Variants in ADSL observed in about 807,000 individuals in gnomAD.
ADSL encodes the protein adenylosuccinate lyase.
A neutral mutation model predicts 62.1 loss-of-function variants in ADSL; 44 were observed. That is an observed-to-expected ratio of 0.71 (90% CI 0.56 to 0.91). The LOEUF is 0.91. Among genes scored for constraint, ADSL ranks in the 40% least tolerant of loss-of-function variants. ADSL has a pLI of 0.00. For synonymous variants in ADSL, 198 were observed against 220.5 expected (o/e 0.90, Z 0.90); for missense variants, 531 against 627.4 (o/e 0.85, Z 1.64).
intron 2 of ADSL, among the ~76,000 whole-genome samples, chr22:40,378,701 G>A (rs962752931): frequency 6.6e-6 from 1 of 152,036 alleles, no homozygotes; most frequent in South Asian, 2.1e-4. Context: ...CTCCAGCCTG[G>A]GTGACAGAGC....
intron 2 of ADSL, chr22:40,378,228 G>C (rs2046976401): frequency 6.6e-6 from 1 of 152,002 alleles, no homozygotes; most frequent in African/African-American, 2.4e-5. Context: ...CCAAGAGTTT[G>C]AGACTACCCT....
rs10616868 is a variant in ADSL, at chr22:40,376,178, C to CTTTTTTTT, written c.89+9705_89+9712dup. The stretch of plus-strand genomic sequence containing the variant: ...GGATAGGGTTAAAGTCAAATTACCA[C>CTTTTTTTT]TTTTTTTTTTTTTTTTTTTTTTTTT... On this transcript the variant is annotated intron_variant, in intron 2 of 2. Transcript: ENST00000498234. The CTTTTTTTT allele has an allele frequency of 1.2e-3, 104 of 86,886 alleles. 2 individuals carry two copies. Among genetic ancestry groups the CTTTTTTTT allele is most frequent in the Non-Finnish European group, 1.8e-3 (81 of 44,370 alleles). 5.4% of individuals were successfully genotyped at this position (86,886 alleles called of 1,614,324 possible).
chr22:40,379,586 C>T (rs1443657707), intron 2 of ADSL: 1 of 152,226 alleles, frequency 6.6e-6, no homozygotes, highest in Non-Finnish European at 1.5e-5. Context: ...CGTGCAGTGC[C>T]TGCTGCAGCA....
At chr22:40,377,326 T>G (rs1266991292) in intron 2 of ADSL, among the ~76,000 whole-genome samples, 2 of 152,238 alleles carry the variant, frequency 1.3e-5, no homozygotes, top group Non-Finnish European at 2.9e-5. Context: ...TTGCAGCTCC[T>G]TCATCACAAC....
intron 2 of ADSL, chr22:40,379,306 C>G (rs1213269932): frequency 6.6e-6 from 1 of 152,256 alleles, no homozygotes; most frequent in African/African-American, 2.4e-5. Flanking sequence ...ATTGGGTCTG[C>G]TTTGTGTTCT....
Position 40,350,207 on chromosome 22 carries a change from T to C in ADSL, c.357+172T>C, listed in dbSNP as rs8192455. 80,360 of 625,252 alleles carry C rather than the reference T, an allele frequency of 0.13. 5,854 individuals are homozygous for C. Among genetic ancestry groups the C allele is most frequent in the South Asian group, 0.17 (8,539 of 50,610 alleles). The allele number at this position is 625,252 out of a possible 1,614,324, so 38.7% of individuals were successfully genotyped here. A position where few individuals can be genotyped will look rare whatever the true frequency, so the allele number is the denominator to read the frequency against. On this transcript the variant is annotated intron_variant, in intron 2 of 12. Coordinates refer to ENST00000623063, the MANE Select transcript of ADSL (RefSeq NM_000026.4). ...TGCAGTGGCACGGCTCACTGCAAGC[T>C]CCGCCTCCTGGGTTCACACCATTCT...
intron 9 of ADSL, among the ~76,000 whole-genome samples, chr22:40,362,365 A>G (rs1202483371): frequency 6.6e-6 from 1 of 152,222 alleles, no homozygotes; most frequent in Non-Finnish European, 1.5e-5. Context: ...GAACTCATTC[A>G]GAAGTCAGCC....
At chr22:40,365,349 C>T (rs2044962673) in intron 12 of ADSL, among the ~76,000 whole-genome samples, 1 of 152,052 alleles carries the variant, frequency 6.6e-6, no homozygotes, top group African/African-American at 2.4e-5. Flanking sequence ...GCCTTTATTT[C>T]TTTGTGTAGA....
intron 6 of ADSL, among the ~76,000 whole-genome samples, chr22:40,359,572 C>CT (rs1476454987): frequency 1.4e-5 from 2 of 145,316 alleles, no homozygotes; most frequent in African/African-American, 2.5e-5. Flanking sequence ...GGGTCTTACT[C>CT]TGTCACCCAG....
chr22:40,364,810 C>T lies in ADSL; in HGVS notation c.1192-70C>T, dbSNP rs910032738. Reference sequence around the variant, plus strand: ...TGTAGACTGCATGGATGGGAAGTATCTGATGACTTTTTAAAAGTGTTCAAA... The same window carrying T: ...TGTAGACTGCATGGATGGGAAGTATTTGATGACTTTTTAAAAGTGTTCAAA... On this transcript the variant is annotated intron_variant, in intron 11 of 12. Transcript: ENST00000623063. 36 of 1,516,352 alleles carry T rather than the reference C, an allele frequency of 2.4e-5. 1 individual carries two copies. In the Middle Eastern group the frequency reaches 5.1e-4, roughly 21 times the overall value. The allele number at this position is 1,516,352 out of a possible 1,614,324, so 93.9% of individuals were successfully genotyped here.
At chr22:40,347,572 C>G (rs548736004) in intron 1 of ADSL, among the ~76,000 whole-genome samples, 74 of 152,324 alleles carry the variant, frequency 4.9e-4, no homozygotes, top group African/African-American at 1.7e-3. Flanking sequence ...AACAATTTGA[C>G]TTCGGGCCTA....
chr22:40,378,273 A>AAT (rs2046986423), intron 2 of ADSL: 1 of 152,238 alleles, frequency 6.6e-6, no homozygotes, highest in South Asian at 2.1e-4. Context: ...TCTACAAAAA[A>AAT]ATAAGAAAAA....
At chr22:40,386,375 ACCT>A (rs917815531) in intron 2 of ADSL, among the ~76,000 whole-genome samples, 1 of 152,064 alleles carries the variant, frequency 6.6e-6, no homozygotes, top group African/African-American at 2.4e-5. Flanking sequence ...TAAGAGGACA[ACCT>A]CGTGACGTAT....
chr22:40,355,304 G>A (rs1051742838), intron 4 of ADSL, among the ~76,000 whole-genome samples: 8 of 151,932 alleles, frequency 5.3e-5, no homozygotes, highest in African/African-American at 9.7e-5. Flanking sequence ...CACCATGCCC[G>A]GCTAATTTTT....
At chr22:40,375,288 T>G (rs1238188772) in intron 2 of ADSL, among the ~76,000 whole-genome samples, 2 of 152,090 alleles carry the variant, frequency 1.3e-5, no homozygotes, top group Non-Finnish European at 2.9e-5. Context: ...TATCAGAAAT[T>G]AGATTGATAG....
Position 40,346,520 on chromosome 22 carries a change from C to T in ADSL, c.-39C>T, listed in dbSNP as rs906863165. On this transcript the variant is annotated 5_prime_UTR_variant, in exon 1 of 13. Transcript: ENST00000623063. ...CCTCCAGGTTTCCGCTTCCGCTCTT[C>T]CCTGGTCCAGTCCACCCTGGCGGGG... 1 of 1,583,626 alleles carries T rather than the reference C, an allele frequency of 6.3e-7. No homozygotes were observed. Among genetic ancestry groups the T allele is most frequent in the Non-Finnish European group, 8.6e-7 (1 of 1,169,310 alleles).
chr22:40,385,317 T>C (rs940537202), intron 2 of ADSL, among the ~76,000 whole-genome samples: 1 of 152,198 alleles, frequency 6.6e-6, no homozygotes, highest in Non-Finnish European at 1.5e-5. Flanking sequence ...GGATAAGAGC[T>C]AGAAAGGTAA....
At chr22:40,351,807 C>T (rs2044357696) in intron 2 of ADSL, 1 of 152,206 alleles carries the variant, frequency 6.6e-6, no homozygotes, top group Non-Finnish European at 1.5e-5. Flanking sequence ...GCGCCCGCCA[C>T]CACACCCGGC....
downstream of ADSL, among the ~76,000 whole-genome samples, chr22:40,372,057 G>A (rs2045615592): frequency 6.8e-6 from 1 of 147,404 alleles, no homozygotes; most frequent in Non-Finnish European, 1.5e-5. Flanking sequence ...CTAAGTGAAT[G>A]TAGCTTTTTC....
Sources: gnomAD v4.1 joint callset for allele counts (sites outside exome capture counted in the v4.1 genomes callset) on GRCh38, gnomAD v4.1.1 for gene constraint, MANE v1.5 for transcripts, NCBI Gene and HGNC (gene_info 2026-07-23, HGNC 2026-07-21) for gene names.